Variants in RFC2 observed in about 807,000 individuals in gnomAD.
RFC2 encodes the protein replication factor C subunit 2.
RFC2 carries 34 observed loss-of-function variants against 44.8 expected under a neutral mutation model. The ratio of observed to expected loss-of-function variants is 0.76; its 90% CI spans 0.58 to 1.01. RFC2 has a LOEUF of 1.01. RFC2 is among the 50% of genes least tolerant of loss of function. The pLI, the probability that RFC2 is intolerant of heterozygous loss-of-function variation, is 0.00. For missense variants in RFC2, 400 were observed against 453.6 expected (o/e 0.88, Z 1.07); for synonymous variants, 177 against 168.9 (o/e 1.05, Z -0.37).
chr7:74,236,520 C>A (rs372879904), intron 9 of RFC2, among the ~76,000 whole-genome samples: 1 of 152,190 alleles, frequency 6.6e-6, no homozygotes, highest in Non-Finnish European at 1.5e-5. Flanking sequence ...TGAACCCCAG[C>A]CACATCTGCT....
chr7:74,241,266 AT>A (rs1803315780), intron 6 of RFC2, among the ~76,000 whole-genome samples: 1 of 152,138 alleles, frequency 6.6e-6, no homozygotes, highest in Admixed American at 6.6e-5. Flanking sequence ...TCTCCATTTC[AT>A]TGCTGGCATC....
At chr7:74,252,331 C>T (rs1237570688) in intron 2 of RFC2, 98 bp downstream of exon 2, 6 of 649,342 alleles carry the variant, frequency 9.2e-6, no homozygotes, top group East Asian at 3.1e-5. Flanking sequence ...GGCATGAACC[C>T]GGGAGGCGGA....
In RFC2 at chr7:74,239,967, T is replaced by C; in HGVS notation, c.664A>G (p.Ile222Val). ...CTCATGTCTCCCTGGGCCGTGAAGA[T>C]GATGGCTTCTAGGCCGTCATCAGTG... ...PYTDDGLEAI[I>V]FTAQGDMRQA... is the part of the protein sequence containing the mutation. The change falls in exon 7 of 11, where the codon ATC (isoleucine) becomes GTC (valine). Residue 222 changes from isoleucine (I) to valine (V), a missense_variant. Ile to Val is a conservative substitution (Grantham distance 29). Coordinates refer to ENST00000055077, the MANE Select transcript of RFC2 (RefSeq NM_181471.3). 6.2e-7 allele frequency: 1 copy of C among 1,611,912 alleles called. No homozygotes were observed. Among genetic ancestry groups the C allele is most frequent in the Non-Finnish European group, 8.5e-7 (1 of 1,179,040 alleles).
intron 5 of RFC2, among the ~76,000 whole-genome samples, chr7:74,245,742 T>C (rs1439815930): frequency 6.9e-6 from 1 of 145,664 alleles, no homozygotes; most frequent in Non-Finnish European, 1.5e-5. Context: ...AATTTATGGT[T>C]AATTATGTCC....
intron 6 of RFC2, among the ~76,000 whole-genome samples, chr7:74,241,304 A>G (rs1349297364): frequency 6.6e-6 from 1 of 152,040 alleles, no homozygotes; most frequent in African/African-American, 2.4e-5. Context: ...CTTCTCATTA[A>G]ACTCCACGAG....
Position 74,238,130 on chromosome 7 carries a change from C to T in RFC2, c.760-688G>A, listed in dbSNP as rs781636711. 2.0e-5 allele frequency among the ~76,000 whole-genome samples: 3 copies of T among 152,080 alleles called. No individual in the cohort carries two copies. Among genetic ancestry groups the T allele is most frequent in the African/African-American group, 4.8e-5 (2 of 41,424 alleles). ...AGACAAAACAGGGCCCGAACCATCACCCCTGTTTCTGAGCGGGCCTCCCCT... is the reference window on the plus strand; with the variant it reads ...AGACAAAACAGGGCCCGAACCATCATCCCTGTTTCTGAGCGGGCCTCCCCT... On this transcript the variant is annotated intron_variant, in intron 8 of 10. Transcript: ENST00000055077. This position sits in a 1 kb window ranked among gnomAD's most constrained non-coding sequence, Gnocchi z 4.0.
At position 74,238,634 on chromosome 7, in the gene RFC2, G is replaced by T. The variant is rs1175502676; in HGVS notation, c.759+289C>A. Among the ~76,000 whole-genome samples the T allele has an allele frequency of 6.6e-6, 1 of 152,084 alleles. No individual in the cohort carries two copies. Among genetic ancestry groups the T allele is most frequent in the Non-Finnish European group, 1.5e-5 (1 of 68,010 alleles). ...GTGAGAACCTCTGTGCAGGGAAGTC[G>T]CTGGGATCAAATAAGACACGTCAGA... On this transcript the variant is annotated intron_variant, in intron 8 of 10. Transcript: ENST00000055077. This position sits in a 1 kb window ranked among gnomAD's most constrained non-coding sequence, Gnocchi z 4.0.
chr7:74,246,598 T>C (rs959905236), intron 5 of RFC2, 64 bp downstream of exon 5: 21 of 1,135,514 alleles, frequency 1.8e-5, no homozygotes, highest in South Asian at 2.7e-5. Context: ...TTTATCCTGA[T>C]TGAATAAAAC....
Position 74,254,345 on chromosome 7 carries a change from C to A in RFC2, c.39G>T (p.Val13=). ...GGGCAGGGTCAGAGTCCTGGGCCTC[C>A]ACCTCGCCCGCGCCACCACAGACGG... is the stretch of plus-strand genomic sequence containing the variant. ...VEAVCGGAGE[V]EAQDSDPAPA... is the part of the protein sequence containing the mutation. Residue 13 remains valine (V), a synonymous_variant, in exon 1 of 11, where the codon GTG becomes GTT. Transcript: ENST00000055077. 2 of 1,610,348 alleles carry A rather than the reference C, an allele frequency of 1.2e-6. No individual in the cohort carries two copies. Among genetic ancestry groups the A allele is most frequent in the African/African-American group, 1.3e-5 (1 of 74,800 alleles).
At position 74,249,785 on chromosome 7, in the gene RFC2, G is replaced by C. The variant is rs1805391; in HGVS notation, c.184-5C>G. The C allele has an allele frequency of 1.2e-6, 2 of 1,612,572 alleles. No individual in the cohort carries two copies. Among genetic ancestry groups the C allele is most frequent in the Non-Finnish European group, 1.7e-6 (2 of 1,178,988 alleles). ...ATTTCCTTCCCTTGCAAAGACCTAC[G>C]GCGAAAATGATCATTAAAACCGGTT... On this transcript the variant is annotated splice_region_variant and splice_polypyrimidine_tract_variant and intron_variant, in intron 2 of 10. Coordinates refer to ENST00000055077, the MANE Select transcript of RFC2 (RefSeq NM_181471.3).
intron 5 of RFC2, among the ~76,000 whole-genome samples, chr7:74,243,722 G>C (rs2116308470): frequency 6.7e-6 from 1 of 150,364 alleles, no homozygotes; most frequent in East Asian, 2.0e-4. Flanking sequence ...CATCTCAAAA[G>C]GCTGATGCGG....
chr7:74,249,642 GC>G, intron 3 of RFC2, 96 bp downstream of exon 3: 1 of 995,744 alleles, frequency 1.0e-6, no homozygotes, highest in South Asian at 1.3e-5. Context: ...ATGGGAAGGG[GC>G]TCTCCAGGGA....
At position 74,231,871 on chromosome 7, in the gene RFC2, G is replaced by C. The variant is rs1197868255; in HGVS notation, c.*235C>G. ...ATTTTTATATTTTTAGTAAAGACAG[G>C]GTTTCCCCATGTTGGCCAGGCTGGT... On this transcript the variant is annotated 3_prime_UTR_variant, in exon 11 of 11. Coordinates refer to ENST00000055077, the MANE Select transcript of RFC2 (RefSeq NM_181471.3). 2.7e-6 allele frequency: 1 copy of C among 366,532 alleles called. No individual in the cohort carries two copies. The highest frequency in any genetic ancestry group is 5.0e-6 in the Non-Finnish European group (1 of 201,504). 22.7% of individuals were successfully genotyped at this position (366,532 alleles called of 1,614,324 possible).
intron 1 of RFC2, among the ~76,000 whole-genome samples, chr7:74,254,056 G>A (rs1787134536): frequency 6.6e-6 from 1 of 152,132 alleles, no homozygotes; most frequent in African/African-American, 2.4e-5. Context: ...CATAAGCATT[G>A]TAGTGAGCGA....
At chr7:74,245,714 C>CAAAAAAAA (rs1182981268) in intron 5 of RFC2, among the ~76,000 whole-genome samples, 1 of 65,868 alleles carries the variant, frequency 1.5e-5, no homozygotes, top group African/African-American at 5.0e-5. Context: ...CTCCGTCTCA[C>CAAAAAAAA]AAAAAAAAAA....
intron 3 of RFC2, 32 bp downstream of exon 3, chr7:74,249,707 G>C: frequency 6.3e-7 from 1 of 1,589,708 alleles, no homozygotes; most frequent in African/African-American, 1.3e-5. Flanking sequence ...GAGACATGGA[G>C]ACACTCAACA....
Position 74,254,324 on chromosome 7 carries a change from A to C in RFC2, c.60T>G (p.Pro20=), listed in dbSNP as rs1787155018. The part of the protein sequence containing the change: ...AGEVEAQDSD[P]APAFSKAPGS... ...CGGGGGCCTTGCTGAAGGCAGGGGC[A>C]GGGTCAGAGTCCTGGGCCTCCACCT... The change falls in exon 1 of 11, where the codon CCT becomes CCG. Residue 20 remains proline, a synonymous_variant. Coordinates refer to ENST00000055077, the MANE Select transcript of RFC2 (RefSeq NM_181471.3). 1 of 1,612,456 alleles carries C rather than the reference A, an allele frequency of 6.2e-7. No homozygotes were observed. The highest frequency in any genetic ancestry group is 1.3e-5 in the African/African-American group (1 of 74,976).
In RFC2 at chr7:74,231,955, C is replaced by G; in HGVS notation, c.*151G>C. ...TCGGCCTCCCAAAGTGTTGGGATTA[C>G]AGGCGTGAGCTACCGTGCCTGGCCA... On this transcript the variant is annotated 3_prime_UTR_variant, in exon 11 of 11. Transcript: ENST00000055077. 4 of 606,442 alleles carry G rather than the reference C, an allele frequency of 6.6e-6. No homozygotes were observed. The highest frequency in any genetic ancestry group is 1.2e-5 in the Non-Finnish European group (4 of 342,072). 37.6% of individuals were successfully genotyped at this position (606,442 alleles called of 1,614,324 possible).
intron 4 of RFC2, among the ~76,000 whole-genome samples, chr7:74,248,532 G>A (rs1803753915): frequency 6.7e-6 from 1 of 148,902 alleles, no homozygotes; most frequent in Non-Finnish European, 1.5e-5. Context: ...ATGGAGTTTT[G>A]CTCGTCACCC....
Sources: gnomAD v4.1 joint callset for allele counts (sites outside exome capture counted in the v4.1 genomes callset) on GRCh38, gnomAD v4.1.1 for gene constraint, Gnocchi (gnomAD v3.1) non-coding constraint, MANE v1.5 for transcripts, NCBI Gene and HGNC (gene_info 2026-07-23, HGNC 2026-07-21) for gene names.